Variants in PUS7L observed in about 807,000 individuals in gnomAD.
The protein encoded by PUS7L is pseudouridylate synthase PUS7L.
PUS7L carries 49 observed loss-of-function variants against 51.1 expected under a neutral mutation model. The observed-to-expected ratio is 0.96, with a 90% CI of 0.76 to 1.22. The LOEUF is 1.22. Among genes scored for constraint, PUS7L ranks in the 50% most tolerant of loss-of-function variants. The pLI, the probability that PUS7L is intolerant of heterozygous loss-of-function variation, is 0.00. For synonymous variants in PUS7L, 277 were observed against 276.2 expected, an observed-to-expected ratio of 1.00 and a Z score of -0.03; for missense variants, 828 against 820.6, an observed-to-expected ratio of 1.01 and a Z score of -0.11.
At chr12:43,753,016 T>A (rs1592182534) in intron 2 of PUS7L, among the ~76,000 whole-genome samples, 1 of 122,700 alleles carries the variant, frequency 8.1e-6, no homozygotes, top group Non-Finnish European at 1.6e-5. Flanking sequence ...AGTTCTATAA[T>A]TTTTTTACTC....
At chr12:43,758,647 C>T in intron 1 of PUS7L, 83 bp downstream of exon 1, 1 of 802,018 alleles carries the variant, frequency 1.2e-6, no homozygotes, top group Non-Finnish European at 1.4e-6. Context: ...TCAATGCCAA[C>T]CTCGTCACCC....
At chr12:43,750,138 A>T (rs1232907475) in intron 2 of PUS7L, among the ~76,000 whole-genome samples, 1 of 152,184 alleles carries the variant, frequency 6.6e-6, no homozygotes, top group Non-Finnish European at 1.5e-5. Context: ...CATTCGCCCT[A>T]ACAATTTTGG....
At chr12:43,758,479 A>G (rs974012710) in intron 1 of PUS7L, 3 of 985,490 alleles carry the variant, frequency 3.0e-6, no homozygotes, top group East Asian at 1.1e-4. Context: ...ACTTAACTTC[A>G]CAGAAAACTA....
intron 6 of PUS7L, among the ~76,000 whole-genome samples, chr12:43,737,664 T>C (rs1440528766): frequency 6.6e-6 from 1 of 151,936 alleles, no homozygotes; most frequent in Middle Eastern, 3.2e-3. Context: ...AGGGCATATC[T>C]AAATCTCATA....
chr12:43,735,313 T>A (rs977759638), intron 7 of PUS7L, among the ~76,000 whole-genome samples: 5 of 149,104 alleles, frequency 3.4e-5, no homozygotes, highest in African/African-American at 5.0e-5. Context: ...CGAGACTCTG[T>A]CTCAAAAAAA....
At chr12:43,744,670 C>T (rs143060476) in intron 4 of PUS7L, among the ~76,000 whole-genome samples, 1 of 152,140 alleles carries the variant, frequency 6.6e-6, no homozygotes, top group Non-Finnish European at 1.5e-5. Context: ...TTTAAAAGAT[C>T]TTTAGTTGGA....
intron 1 of PUS7L, 78 bp downstream of exon 1, chr12:43,758,652 T>TGGGGGGGGGGGGGGGGG: frequency 1.4e-6 from 1 of 708,238 alleles, no homozygotes; most frequent in Non-Finnish European, 1.6e-6. Flanking sequence ...GCCAACCTCG[T>TGGGGGGGGGGGGGGGGG]CACCCCCCCC....
At position 43,727,987 on chromosome 12, in the gene PUS7L, T is replaced by A. The variant is rs74085313; in HGVS notation, c.*2389A>T. 0.055 allele frequency: 8,376 copies of A among 152,056 alleles called. 239 individuals carry two copies. The highest frequency in any genetic ancestry group is 0.13 in the Middle Eastern group (39 of 294). The allele number at this position is 152,056 out of a possible 1,614,324, so 9.4% of individuals were successfully genotyped here. The stretch of plus-strand genomic sequence containing the variant: ...CGGCATGTTTAATTGGCATGTGATG[T>A]TTAAAGGACATCCTTGCAGTTTAAG... On this transcript the variant is annotated 3_prime_UTR_variant, in exon 9 of 9. Transcript: ENST00000344862.
At chr12:43,743,930 TA>T (rs1167196686) in intron 4 of PUS7L, among the ~76,000 whole-genome samples, 1 of 152,198 alleles carries the variant, frequency 6.6e-6, no homozygotes, top group Non-Finnish European at 1.5e-5. Flanking sequence ...AAAAGGTTTA[TA>T]ACAGAGATAT....
At chr12:43,754,185 G>A (rs926114446) in intron 2 of PUS7L, 151 bp downstream of exon 2, 1 of 505,586 alleles carries the variant, frequency 2.0e-6, no homozygotes, top group Non-Finnish European at 3.5e-6. Flanking sequence ...AATTCCTAGA[G>A]TTGCTTAAAT....
At chr12:43,753,670 G>T (rs1302906240) in intron 2 of PUS7L, among the ~76,000 whole-genome samples, 1 of 152,084 alleles carries the variant, frequency 6.6e-6, no homozygotes, top group African/African-American at 2.4e-5. Context: ...GCCACCATGG[G>T]AATTAAACAC....
rs1176981174 is a variant in PUS7L, at chr12:43,754,645, G to A, written c.601C>T (p.Leu201Phe). The part of the protein sequence containing the change: ...KNSEIVVKPN[L>F]EYKELCHLVS... ...AAATGACAAAGTTCTTTATATTCAAGATTTGGTTTTACAACAATTTCACTG... is the reference window on the plus strand; with the variant it reads ...AAATGACAAAGTTCTTTATATTCAAAATTTGGTTTTACAACAATTTCACTG... The change falls in exon 2 of 9, where the codon CTT becomes TTT. Residue 201 changes from leucine to phenylalanine, a missense_variant. Leu to Phe is a conservative substitution (Grantham distance 22). Coordinates refer to ENST00000344862, the MANE Select transcript of PUS7L (RefSeq NM_031292.5). 1.2e-6 allele frequency: 2 copies of A among 1,613,516 alleles called. No individual in the cohort carries two copies. The highest frequency in any genetic ancestry group is 1.3e-5 in the African/African-American group (1 of 74,894).
Position 43,736,391 on chromosome 12 carries a change from G to C in PUS7L, c.1715C>G (p.Pro572Arg). 1 of 1,613,354 alleles carries C rather than the reference G, an allele frequency of 6.2e-7. No homozygotes were observed. The highest frequency in any genetic ancestry group is 8.5e-7 in the Non-Finnish European group (1 of 1,179,452). The change falls in exon 7 of 9, where the codon CCA (proline) becomes CGA (arginine). Residue 572 changes from proline to arginine, a missense_variant. Pro to Arg is a moderately radical substitution (Grantham distance 103, BLOSUM62 -2). Coordinates refer to ENST00000344862, the MANE Select transcript of PUS7L (RefSeq NM_031292.5). ...TGGAATGATACTTACTTTACTATTT[G>C]GGAAATTCTCGTCATCAATGTCTTC... The part of the protein sequence containing the change: ...LDEDIDDENF[P>R]NSKIHLVTEE...
At chr12:43,735,188 G>C (rs994153189) in intron 7 of PUS7L, among the ~76,000 whole-genome samples, 2 of 151,948 alleles carry the variant, frequency 1.3e-5, no homozygotes, top group South Asian at 2.1e-4. Context: ...GTGGTGGCAG[G>C]CATCTGTAGT....
rs1944449227 is a variant in PUS7L, at chr12:43,725,949, A to C, written c.*4427T>G. On this transcript the variant is annotated 3_prime_UTR_variant, in exon 9 of 9. Transcript: ENST00000344862. ...AAATGTTAGTTAAATCAAAAGTTAC[A>C]TGACTTTCAGTTTTTTACAGCTCAC... The C allele has an allele frequency of 6.6e-6, 1 of 152,132 alleles. No homozygotes were observed. The highest frequency in any genetic ancestry group is 1.5e-5 in the Non-Finnish European group (1 of 68,026). The allele number at this position is 152,132 out of a possible 1,614,324, so 9.4% of individuals were successfully genotyped here.
chr12:43,744,808 T>G (rs532052197), intron 4 of PUS7L, among the ~76,000 whole-genome samples: 12 of 152,310 alleles, frequency 7.9e-5, no homozygotes, highest in Middle Eastern at 3.4e-3. Flanking sequence ...CGGTATTGGC[T>G]CTAAAGTACA....
chr12:43,734,718 A>C (rs1944642498), intron 7 of PUS7L, among the ~76,000 whole-genome samples: 1 of 152,106 alleles, frequency 6.6e-6, no homozygotes, highest in South Asian at 2.1e-4. Context: ...GGTCTTTTTA[A>C]TTCCACTACT....
At chr12:43,735,840 G>A (rs978723120) in intron 7 of PUS7L, among the ~76,000 whole-genome samples, 2 of 152,112 alleles carry the variant, frequency 1.3e-5, no homozygotes, top group East Asian at 1.9e-4. Flanking sequence ...GCCATGGCAC[G>A]ATCTCGGCTC....
intron 2 of PUS7L, among the ~76,000 whole-genome samples, chr12:43,749,403 G>A (rs951207706): frequency 6.6e-6 from 1 of 152,186 alleles, no homozygotes; most frequent in African/African-American, 2.4e-5. Context: ...AGAAAATGTA[G>A]CTGGGTACTG....
Sources: gnomAD v4.1 joint callset for allele counts (sites outside exome capture counted in the v4.1 genomes callset) on GRCh38, gnomAD v4.1.1 for gene constraint, MANE v1.5 for transcripts, NCBI Gene and HGNC (gene_info 2026-07-23, HGNC 2026-07-21) for gene names.